ADAMTS6: variants seen among roughly 807,000 people sequenced by gnomAD.
ADAMTS6 encodes the protein ADAM metallopeptidase with thrombospondin type 1 motif 6.
ADAMTS6 carries 23 observed loss-of-function variants against 144.3 expected under a neutral mutation model. The observed-to-expected ratio is 0.16, with a 90% CI of 0.11 to 0.23. ADAMTS6 has a LOEUF of 0.23. Among genes scored for constraint, ADAMTS6 ranks in the 10% least tolerant of loss-of-function variants. The pLI is 1.00. For synonymous variants in ADAMTS6, 444 were observed against 457.5 expected, an observed-to-expected ratio of 0.97 and a Z score of 0.38; for missense variants, 999 against 1,379.6, an observed-to-expected ratio of 0.72 and a Z score of 4.37.
At chr5:65,224,492 C>T (rs1757573954) in intron 17 of ADAMTS6, 92 bp from the exon 18 acceptor site, 2 of 1,110,788 alleles carry the variant, frequency 1.8e-6, no homozygotes, top group Admixed American at 3.6e-5. Context: ...CTTATTATTC[C>T]ATTCTCTCTT....
Position 65,151,531 on chromosome 5 carries a change from C to T in ADAMTS6, c.*305G>A, listed in dbSNP as rs528602167. 71 of 308,794 alleles carry T rather than the reference C, an allele frequency of 2.3e-4. 1 individual carries two copies. The highest frequency in any genetic ancestry group is 4.5e-4 in the Admixed American group (10 of 22,208). 19.1% of individuals were successfully genotyped at this position (308,794 alleles called of 1,614,324 possible). A position where few individuals can be genotyped will look rare whatever the true frequency, so the allele number is the denominator to read the frequency against. On this transcript the variant is annotated 3_prime_UTR_variant, in exon 25 of 25. Transcript: ENST00000381055. ...TATCTTAATGGTCCAAGGAGGTAAA[C>T]AGGCTATTGGATTTACTCGAAAGAA...
At position 65,434,942 on chromosome 5, in the gene ADAMTS6, G is replaced by A. The variant is rs187779472; in HGVS notation, c.1073+16533C>T. 2.6e-4 allele frequency among the ~76,000 whole-genome samples: 39 copies of A among 152,168 alleles called. 1 individual carries two copies. In the East Asian group the frequency reaches 4.3e-3, roughly 17 times the overall value. On this transcript the variant is annotated intron_variant, in intron 7 of 24. Transcript: ENST00000381055. ...ATACAAAGATGCAGATTGCAGCATCGTTTAAAATTGTTTATAATAATGGAA... is the reference window on the plus strand; with the variant it reads ...ATACAAAGATGCAGATTGCAGCATCATTTAAAATTGTTTATAATAATGGAA...
At chr5:65,267,712 A>C (rs951686089) in intron 12 of ADAMTS6, among the ~76,000 whole-genome samples, 7 of 152,206 alleles carry the variant, frequency 4.6e-5, no homozygotes, top group Admixed American at 1.3e-4. Flanking sequence ...TATTTAAAAA[A>C]AATTTTTTTC....
intron 21 of ADAMTS6, among the ~76,000 whole-genome samples, chr5:65,191,572 CAAT>C (rs987461027): frequency 6.6e-6 from 1 of 151,828 alleles, no homozygotes; most frequent in Non-Finnish European, 1.5e-5. Flanking sequence ...CAGAATTTGA[CAAT>C]AATATCTTTA....
chr5:65,451,996 T>C (rs1758779463), intron 6 of ADAMTS6, 137 bp downstream of exon 6: 5 of 689,274 alleles, frequency 7.3e-6, no homozygotes, highest in African/African-American at 5.5e-5. Flanking sequence ...ATATTAAATG[T>C]GTAGAGCTAA....
intron 7 of ADAMTS6, among the ~76,000 whole-genome samples, chr5:65,407,730 G>T (rs578014928): frequency 1.3e-5 from 2 of 152,042 alleles, no homozygotes; most frequent in African/African-American, 4.8e-5. Context: ...TCTCAATCCA[G>T]TCTATCATCA....
intron 7 of ADAMTS6, among the ~76,000 whole-genome samples, chr5:65,420,785 C>CA (rs1287515793): frequency 1.3e-5 from 2 of 150,308 alleles, no homozygotes; most frequent in African/African-American, 4.9e-5. Context: ...GACTTAGAGT[C>CA]AAATGGTAAA....
At chr5:65,416,732 A>G (rs1755554749) in intron 7 of ADAMTS6, among the ~76,000 whole-genome samples, 1 of 141,696 alleles carries the variant, frequency 7.1e-6, no homozygotes, top group African/African-American at 2.8e-5. Context: ...CCTGGGCAAC[A>G]GAGCAAGACT....
At chr5:65,336,309 G>T (rs1747303959) in intron 7 of ADAMTS6, among the ~76,000 whole-genome samples, 2 of 152,056 alleles carry the variant, frequency 1.3e-5, no homozygotes, top group Admixed American at 6.6e-5. Flanking sequence ...TGTCTCTGAT[G>T]ATAAACACAA....
chr5:65,428,268 A>G (rs1324891040), intron 7 of ADAMTS6, among the ~76,000 whole-genome samples: 5 of 151,688 alleles, frequency 3.3e-5, no homozygotes, highest in Non-Finnish European at 7.4e-5. Context: ...GTTTTATTAC[A>G]TTTTCCTTGT....
chr5:65,352,703 T>C (rs1397069101), intron 7 of ADAMTS6, among the ~76,000 whole-genome samples: 1 of 152,078 alleles, frequency 6.6e-6, no homozygotes, highest in Non-Finnish European at 1.5e-5. Context: ...ACAGAGCATA[T>C]ATATAACTGC....
At chr5:65,228,496 A>T (rs1283574248) in intron 15 of ADAMTS6, among the ~76,000 whole-genome samples, 1 of 152,162 alleles carries the variant, frequency 6.6e-6, no homozygotes, top group African/African-American at 2.4e-5. Flanking sequence ...TTCTACTATC[A>T]TCTCCCTGCA....
At chr5:65,207,135 T>C (rs1192025473) in intron 20 of ADAMTS6, among the ~76,000 whole-genome samples, 1 of 152,122 alleles carries the variant, frequency 6.6e-6, no homozygotes, top group Non-Finnish European at 1.5e-5. Context: ...CCTTCCTAAC[T>C]CCTCAGTAAT....
chr5:65,413,535 G>A (rs756325726), intron 7 of ADAMTS6, among the ~76,000 whole-genome samples: 1 of 151,848 alleles, frequency 6.6e-6, no homozygotes, highest in Non-Finnish European at 1.5e-5. Context: ...ACTCCCAACT[G>A]GCCAATTAAA....
At chr5:65,443,203 C>A (rs1758000009) in intron 7 of ADAMTS6, among the ~76,000 whole-genome samples, 1 of 152,112 alleles carries the variant, frequency 6.6e-6, no homozygotes. Flanking sequence ...CCAGGCCACA[C>A]CGTCTTCCAC....
chr5:65,375,750 C>A (rs1751469668), intron 7 of ADAMTS6, among the ~76,000 whole-genome samples: 1 of 152,134 alleles, frequency 6.6e-6, no homozygotes, highest in Admixed American at 6.5e-5. Flanking sequence ...ACCCAGCCAT[C>A]CCATTACTGG....
chr5:65,302,107 A>T (rs1268998759), intron 9 of ADAMTS6, among the ~76,000 whole-genome samples: 497 of 34,040 alleles, frequency 0.015, 7 homozygotes, highest in East Asian at 0.05. Context: ...AAAAAAAAAA[A>T]ATATATATAT....
In ADAMTS6 at chr5:65,435,589, CT is replaced by C. The variant is rs200902207; in HGVS notation, c.1073+15885del. 1.4e-3 allele frequency among the ~76,000 whole-genome samples: 206 copies of C among 150,126 alleles called. 5 individuals are homozygous for C. The East Asian group carries it at 0.03, about 22-fold the overall frequency. The stretch of plus-strand genomic sequence containing the variant: ...TGAGGATCATAAAAGAACTCTGCAC[CT>C]TTTTTTTTGTAATTCTAAAATTAGT... On this transcript the variant is annotated intron_variant, in intron 7 of 24. Coordinates refer to ENST00000381055, the MANE Select transcript of ADAMTS6 (RefSeq NM_197941.4).
intron 4 of ADAMTS6, among the ~76,000 whole-genome samples, chr5:65,455,314 G>A (rs1442054107): frequency 1.3e-5 from 2 of 152,148 alleles, no homozygotes; most frequent in Non-Finnish European, 2.9e-5. Flanking sequence ...AGCCTGAGGC[G>A]GGTGGATCAC....
Sources: gnomAD v4.1 joint callset for allele counts (sites outside exome capture counted in the v4.1 genomes callset) on GRCh38, gnomAD v4.1.1 for gene constraint, MANE v1.5 for transcripts, NCBI Gene and HGNC (gene_info 2026-07-23, HGNC 2026-07-21) for gene names.